Variants in PCSK2 observed in about 807,000 individuals in gnomAD.
PCSK2 encodes neuroendocrine convertase 2.
A neutral mutation model predicts 69.7 loss-of-function variants in PCSK2; 14 were observed. The observed-to-expected ratio is 0.20, with a 90% CI of 0.13 to 0.31. The LOEUF (loss-of-function observed/expected upper bound fraction) is 0.31, where lower values mean the gene tolerates loss of function less well. PCSK2 is among the 10% of genes least tolerant of loss of function. The pLI is 1.00. For synonymous variants in PCSK2, 307 were observed against 320.7 expected (o/e 0.96, Z 0.46); for missense variants, 544 against 842.5 (o/e 0.65, Z 4.39).
intron 1 of PCSK2, among the ~76,000 whole-genome samples, chr20:17,251,346 C>T (rs1002128076): frequency 1.4e-4 from 22 of 152,042 alleles, no homozygotes; most frequent in South Asian, 2.1e-4. Context: ...AATTATCACA[C>T]GAAATATTTA....
At chr20:17,341,870 T>C (rs1193230232) in intron 2 of PCSK2, among the ~76,000 whole-genome samples, 3 of 152,354 alleles carry the variant, frequency 2.0e-5, no homozygotes, top group East Asian at 3.9e-4. Flanking sequence ...CAGTGTTCCA[T>C]GAACATGCTC....
At chr20:17,399,422 G>A (rs528321049) in intron 5 of PCSK2, among the ~76,000 whole-genome samples, 172 of 152,146 alleles carry the variant, frequency 1.1e-3, no homozygotes, top group Non-Finnish European at 1.8e-3. Flanking sequence ...ATTTTAAAGG[G>A]AAACTATAAA....
At chr20:17,245,479 C>A (rs1211658767) in intron 1 of PCSK2, among the ~76,000 whole-genome samples, 1 of 152,332 alleles carries the variant, frequency 6.6e-6, no homozygotes, top group African/African-American at 2.4e-5. Context: ...TTTTCACCCC[C>A]TTTTCTCCTT....
At chr20:17,369,194 G>A (rs1312368602) in intron 4 of PCSK2, 46 bp from the exon 5 acceptor site, 6 of 1,559,172 alleles carry the variant, frequency 3.8e-6, no homozygotes, top group Admixed American at 1.7e-5. Flanking sequence ...GGACACAGTG[G>A]CAGGTATTAA....
Position 17,453,201 on chromosome 20 carries a change from A to G in PCSK2, c.886-541A>G, listed in dbSNP as rs2032858706. Among the ~76,000 whole-genome samples the G allele has an allele frequency of 6.6e-6, 1 of 152,174 alleles. No homozygotes were observed. The highest frequency in any genetic ancestry group is 2.1e-4 in the South Asian group (1 of 4,832). ...TTTATATTTATAATGTCTACATATCATATTTAAATTTATATATTGATATAT... is the reference window on the plus strand; with the variant it reads ...TTTATATTTATAATGTCTACATATCGTATTTAAATTTATATATTGATATAT... On this transcript the variant is annotated intron_variant, in intron 8 of 11. Coordinates refer to ENST00000262545, the MANE Select transcript of PCSK2 (RefSeq NM_002594.5). This position sits in a 1 kb window ranked among gnomAD's most constrained non-coding sequence, Gnocchi z 4.0.
At chr20:17,261,397 C>G (rs761224041) in intron 2 of PCSK2, among the ~76,000 whole-genome samples, 32 of 152,158 alleles carry the variant, frequency 2.1e-4, no homozygotes, top group Non-Finnish European at 4.0e-4. Flanking sequence ...ATTTGGGCTT[C>G]AATTAGGAAT....
At chr20:17,454,934 C>G (rs945891550) in intron 9 of PCSK2, among the ~76,000 whole-genome samples, 9 of 152,190 alleles carry the variant, frequency 5.9e-5, no homozygotes, top group African/African-American at 1.7e-4. Context: ...ACCTTAAAAG[C>G]CTGTCCTTCC....
chr20:17,447,280 A>G (rs1360216451), intron 8 of PCSK2, among the ~76,000 whole-genome samples: 2 of 151,584 alleles, frequency 1.3e-5, no homozygotes, highest in Non-Finnish European at 2.9e-5. Flanking sequence ...CAAAAAAAAA[A>G]AAAAATCTAT....
chr20:17,355,297 T>C (rs1346265593), intron 2 of PCSK2, among the ~76,000 whole-genome samples: 1 of 152,136 alleles, frequency 6.6e-6, no homozygotes, highest in Non-Finnish European at 1.5e-5. Flanking sequence ...ACATATTGCT[T>C]AGAGTTTTCA....
intron 2 of PCSK2, among the ~76,000 whole-genome samples, chr20:17,338,180 G>GGT (rs1990410917): frequency 7.1e-6 from 1 of 140,906 alleles, no homozygotes; most frequent in Non-Finnish European, 1.5e-5. Flanking sequence ...TTGGGGGGGG[G>GGT]GGTTGTGTTT....
At chr20:17,353,995 TAGAAA>T (rs2030105851) in intron 2 of PCSK2, among the ~76,000 whole-genome samples, 1 of 152,136 alleles carries the variant, frequency 6.6e-6, no homozygotes, top group South Asian at 2.1e-4. Context: ...TGGGGACTAC[TAGAAA>T]AGAGGAAGAG....
chr20:17,266,860 G>A (rs889236897), intron 2 of PCSK2, among the ~76,000 whole-genome samples: 4 of 152,052 alleles, frequency 2.6e-5, no homozygotes, highest in Admixed American at 1.3e-4. Context: ...GGTAAATCAC[G>A]TCCTGCTACC....
chr20:17,340,996 T>C, intron 2 of PCSK2, among the ~76,000 whole-genome samples: 1 of 152,176 alleles, frequency 6.6e-6, no homozygotes, highest in Admixed American at 6.5e-5. Flanking sequence ...ATACCTGTAA[T>C]CCCAGCACTT....
chr20:17,273,284 T>G (rs1326542086), intron 2 of PCSK2, among the ~76,000 whole-genome samples: 5 of 152,168 alleles, frequency 3.3e-5, no homozygotes, highest in African/African-American at 1.2e-4. Flanking sequence ...CACTTATTCA[T>G]GTGACATGGG....
chr20:17,396,411 T>C lies in PCSK2; in HGVS notation c.544-12852T>C, dbSNP rs1273162901. 2.0e-5 allele frequency among the ~76,000 whole-genome samples: 3 copies of C among 152,212 alleles called. No individual in the cohort carries two copies. In the East Asian group the frequency reaches 5.8e-4, roughly 29 times the overall value. ...TGTCCTGAGTCCCGGAGGGCATCCC[T>C]GTGTGATCACTGGCCTTAACCTCTC... On this transcript the variant is annotated intron_variant, in intron 5 of 11. Coordinates refer to ENST00000262545, the MANE Select transcript of PCSK2 (RefSeq NM_002594.5).
chr20:17,362,060 G>C (rs1405261135), intron 4 of PCSK2, among the ~76,000 whole-genome samples: 1 of 152,198 alleles, frequency 6.6e-6, no homozygotes, highest in Non-Finnish European at 1.5e-5. Context: ...TGGCACTAAA[G>C]TGCCAACAGA....
intron 5 of PCSK2, among the ~76,000 whole-genome samples, chr20:17,398,925 T>A (rs1355226878): frequency 1.3e-5 from 2 of 152,136 alleles, no homozygotes; most frequent in Non-Finnish European, 2.9e-5. Context: ...TATTAAAAAT[T>A]CCATAATATA....
At chr20:17,465,025 A>G in intron 10 of PCSK2, 2 of 403,390 alleles carry the variant, frequency 5.0e-6, no homozygotes, top group Non-Finnish European at 9.2e-6. Context: ...GTTGCTCCAC[A>G]TCTTCAACAC....
chr20:17,287,539 T>C (rs1358083097), intron 2 of PCSK2, among the ~76,000 whole-genome samples: 1 of 151,492 alleles, frequency 6.6e-6, no homozygotes, highest in African/African-American at 2.4e-5. Flanking sequence ...GGAGGGTGGA[T>C]TCTTTCTTGT....
Sources: allele counts gnomAD v4.1 joint callset (sites outside exome capture counted in the v4.1 genomes callset), GRCh38; gene constraint gnomAD v4.1.1; non-coding constraint Gnocchi (gnomAD v3.1); transcripts MANE v1.5; gene names NCBI Gene and HGNC (gene_info 2026-07-23, HGNC 2026-07-21).